MAP3K4: variants seen among roughly 807,000 people sequenced by gnomAD.
MAP3K4 encodes the protein MAP three kinase 1.
MAP3K4 carries 67 observed loss-of-function variants against 185.6 expected under a neutral mutation model. The ratio of observed to expected loss-of-function variants is 0.36; its 90% CI spans 0.30 to 0.44. MAP3K4 has a LOEUF of 0.44. Among genes scored for constraint, MAP3K4 ranks in the 20% least tolerant of loss-of-function variants. The pLI is 1.00. For missense variants in MAP3K4, 1,551 were observed against 1,995.1 expected, an observed-to-expected ratio of 0.78 and a Z score of 4.24; for synonymous variants, 702 against 710.4, an observed-to-expected ratio of 0.99 and a Z score of 0.19.
chr6:161,065,011 G>A (rs75146528), intron 3 of MAP3K4, among the ~76,000 whole-genome samples: 1,838 of 152,270 alleles, frequency 0.012, 28 homozygotes, highest in Middle Eastern at 0.051. Flanking sequence ...TGTTACAGAG[G>A]TAGTCACAGT....
chr6:161,103,426 G>A lies in MAP3K4; in HGVS notation c.3856+647G>A, dbSNP rs1179888802. Among the ~76,000 whole-genome samples the A allele has an allele frequency of 6.6e-6, 1 of 152,180 alleles. No homozygotes were observed. Among genetic ancestry groups the A allele is most frequent in the African/African-American group, 2.4e-5 (1 of 41,448 alleles). ...TATTTGTCTTCCAAGGCCTAGAGAT[G>A]TCTGGAAGGATTTTGTGGAGGGAGG... On this transcript the variant is annotated intron_variant, in intron 19 of 26. Coordinates refer to ENST00000392142, the MANE Select transcript of MAP3K4 (RefSeq NM_005922.4). The surrounding 1 kb of genome is among the most constrained non-coding windows in gnomAD (Gnocchi z 4.6).
At chr6:161,078,079 A>G (rs985366266) in intron 5 of MAP3K4, among the ~76,000 whole-genome samples, 2 of 152,218 alleles carry the variant, frequency 1.3e-5, no homozygotes, top group East Asian at 3.9e-4. Flanking sequence ...AATGACTTCT[A>G]TTTTTGTGTG....
chr6:161,089,491 A>G lies in MAP3K4; in HGVS notation c.2973+20A>G, dbSNP rs975840205. ...CTGAAGGTATTACACTGTCCTCTAC[A>G]TTAGCTGAGATTTTTCCTTTTTGAT... On this transcript the variant is annotated intron_variant, in intron 11 of 26. Transcript: ENST00000392142. The G allele has an allele frequency of 6.2e-6, 10 of 1,609,172 alleles. No individual in the cohort carries two copies. The highest frequency in any genetic ancestry group is 2.2e-5 in the East Asian group (1 of 44,824).
rs1305309066 is a variant in MAP3K4 at position 161,077,197 on chromosome 6, G to T, written c.2097+3585G>T. ...TCAGTTCATGATCATTGTTGCCTCT[G>T]GGGAGGGAGGAAAGAGATAGAAGTG... On this transcript the variant is annotated intron_variant, in intron 5 of 26. Transcript: ENST00000392142. The surrounding 1 kb of genome is among the most constrained non-coding windows in gnomAD (Gnocchi z 4.3). Among the ~76,000 whole-genome samples the T allele has an allele frequency of 2.0e-5, 3 of 152,110 alleles. No homozygotes were observed. The highest frequency in any genetic ancestry group is 2.9e-5 in the Non-Finnish European group (2 of 68,036).
chr6:161,069,470 A>G (rs930139634), intron 3 of MAP3K4, among the ~76,000 whole-genome samples: 1 of 152,028 alleles, frequency 6.6e-6, no homozygotes, highest in Non-Finnish European at 1.5e-5. Context: ...GTTGGTTGAG[A>G]GTGTCACGTG....
chr6:161,070,268 G>A lies in MAP3K4; in HGVS notation c.1708-340G>A, dbSNP rs1006342842. 1.3e-5 allele frequency among the ~76,000 whole-genome samples: 2 copies of A among 152,074 alleles called. No homozygotes were observed. The highest frequency in any genetic ancestry group is 2.4e-5 in the African/African-American group (1 of 41,404). ...TCTAGAGATAGTTGTCGATAGTACTGTATATAACCTGAAAAATAAAGTGTT... is the reference window on the plus strand; with the variant it reads ...TCTAGAGATAGTTGTCGATAGTACTATATATAACCTGAAAAATAAAGTGTT... On this transcript the variant is annotated intron_variant, in intron 3 of 26. Transcript: ENST00000392142. The surrounding 1 kb of genome is among the most constrained non-coding windows in gnomAD (Gnocchi z 4.5).
At position 161,087,539 on chromosome 6, in the gene MAP3K4, C is replaced by T. The variant is rs867841393; in HGVS notation, c.2557-149C>T. On this transcript the variant is annotated intron_variant, in intron 9 of 26. Transcript: ENST00000392142. The surrounding 1 kb of genome is among the most constrained non-coding windows in gnomAD (Gnocchi z 4.9). ...CTGCCTCCTTCAGTCACACTGAAGC[C>T]GGCTACCTGCAGTTCCCTCACTGCT... The T allele has an allele frequency of 6.7e-6, 5 of 747,174 alleles. No individual in the cohort carries two copies. The highest frequency in any genetic ancestry group is 5.3e-5 in the East Asian group (2 of 37,420). 46.3% of individuals were successfully genotyped at this position (747,174 alleles called of 1,614,324 possible).
At position 161,053,783 on chromosome 6, in the gene MAP3K4, G is replaced by A. The variant is rs752962518; in HGVS notation, c.1707+3804G>A. On this transcript the variant is annotated intron_variant, in intron 3 of 26. Coordinates refer to ENST00000392142, the MANE Select transcript of MAP3K4 (RefSeq NM_005922.4). This position sits in a 1 kb window ranked among gnomAD's most constrained non-coding sequence, Gnocchi z 4.2. ...ATTTTTTGTGTTTTTAATAGAGACG[G>A]GGGTTTCACCATGTTGGCCAGGCTA... is the stretch of plus-strand genomic sequence containing the variant. Among the ~76,000 whole-genome samples the A allele has an allele frequency of 2.0e-5, 3 of 151,868 alleles. No homozygotes were observed. Among genetic ancestry groups the A allele is most frequent in the Non-Finnish European group, 4.4e-5 (3 of 67,976 alleles).
intron 2 of MAP3K4, among the ~76,000 whole-genome samples, chr6:161,038,676 T>C (rs1168468311): frequency 6.6e-6 from 1 of 152,214 alleles, no homozygotes; most frequent in Admixed American, 6.5e-5. Flanking sequence ...GATTCTGTGG[T>C]TCAGGTGTGT....
At position 161,064,107 on chromosome 6, in the gene MAP3K4, T is replaced by G. The variant is rs2114798698; in HGVS notation, c.1708-6501T>G. On this transcript the variant is annotated intron_variant, in intron 3 of 26. Coordinates refer to ENST00000392142, the MANE Select transcript of MAP3K4 (RefSeq NM_005922.4). This position sits in a 1 kb window ranked among gnomAD's most constrained non-coding sequence, Gnocchi z 4.3. Reference sequence around the variant, plus strand: ...GCCACCACTTTTTCCCAGAATTCTTTTTTTCAGTTTGACCTGTACTAAATT... The same window carrying G: ...GCCACCACTTTTTCCCAGAATTCTTGTTTTCAGTTTGACCTGTACTAAATT... Among the ~76,000 whole-genome samples, 1 of 152,328 alleles carries G rather than the reference T, an allele frequency of 6.6e-6. No homozygotes were observed. Among genetic ancestry groups the G allele is most frequent in the Non-Finnish European group, 1.5e-5 (1 of 68,028 alleles).
At chr6:161,031,445 A>C (rs2115156926) in intron 1 of MAP3K4, among the ~76,000 whole-genome samples, 1 of 152,356 alleles carries the variant, frequency 6.6e-6, no homozygotes, top group East Asian at 1.9e-4. Context: ...TATCTGCTAA[A>C]GCACAGGACT....
At chr6:160,997,611 G>A (rs1468872933) in intron 1 of MAP3K4, among the ~76,000 whole-genome samples, 3 of 152,168 alleles carry the variant, frequency 2.0e-5, no homozygotes, top group Non-Finnish European at 2.9e-5. Context: ...AACAGACTAT[G>A]AAACAGAATT....
chr6:161,079,663 G>A (rs1785352661), intron 5 of MAP3K4, among the ~76,000 whole-genome samples: 1 of 152,182 alleles, frequency 6.6e-6, no homozygotes, highest in Non-Finnish European at 1.5e-5. Context: ...AAAACACGGA[G>A]ATGGGGGAGC....
chr6:161,041,613 G>T (rs1783455806), intron 2 of MAP3K4, among the ~76,000 whole-genome samples: 2 of 152,204 alleles, frequency 1.3e-5, no homozygotes, highest in East Asian at 3.9e-4. Context: ...TGACTTTCAG[G>T]AGCACAGGAA....
In MAP3K4 at chr6:161,084,035, A is replaced by C. The variant is rs62435489; in HGVS notation, c.2256-466A>C. 0.032 allele frequency among the ~76,000 whole-genome samples: 4,892 copies of C among 152,338 alleles called. 121 individuals are homozygous for C. Among genetic ancestry groups the C allele is most frequent in the Non-Finnish European group, 0.045 (3,073 of 68,032 alleles). ...ATACTGGGGTGTACATTTTAACACT[A>C]GTATTTAGAATTGTGTACTCAATGA... On this transcript the variant is annotated intron_variant, in intron 6 of 26. Transcript: ENST00000392142. This position sits in a 1 kb window ranked among gnomAD's most constrained non-coding sequence, Gnocchi z 4.6.
Position 161,109,700 on chromosome 6 carries a change from A to G in MAP3K4, c.4237-55A>G. 6.3e-7 allele frequency: 1 copy of G among 1,590,948 alleles called. No homozygotes were observed. On this transcript the variant is annotated intron_variant, in intron 22 of 26. Coordinates refer to ENST00000392142, the MANE Select transcript of MAP3K4 (RefSeq NM_005922.4). This position sits in a 1 kb window ranked among gnomAD's most constrained non-coding sequence, Gnocchi z 5.7. ...TAGGAAGTTTTCCAGATTTTTCACT[A>G]GCGTACATCTAAGGAAAACCGTAAA...
Position 161,070,699 on chromosome 6 carries a change from C to T in MAP3K4, c.1799C>T (p.Ser600Leu), listed in dbSNP as rs1784900569. Residue 600 changes from serine (S) to leucine (L), a missense_variant, in exon 4 of 27, where the codon TCG (serine) becomes TTG (leucine). Physicochemically the swap from Ser to Leu is moderately radical, Grantham distance 145. Transcript: ENST00000392142. The surrounding 1 kb of genome is among the most constrained non-coding windows in gnomAD (Gnocchi z 4.5). Reference protein sequence around the residue: ...PSSEEKCSAVSWEELKAMDLP... With the variant: ...PSSEEKCSAVLWEELKAMDLP... Reference sequence around the variant, plus strand: ...TCTGAGGAGAAATGCAGTGCTGTGTCGTGGGAGGAGCTGAAGGCCATGGAT... The same window carrying T: ...TCTGAGGAGAAATGCAGTGCTGTGTTGTGGGAGGAGCTGAAGGCCATGGAT... 1.2e-6 allele frequency: 2 copies of T among 1,614,028 alleles called. No homozygotes were observed. Among genetic ancestry groups the T allele is most frequent in the East Asian group, 2.2e-5 (1 of 44,866 alleles).
chr6:161,025,248 T>C (rs1396670879), intron 1 of MAP3K4, among the ~76,000 whole-genome samples: 1 of 152,224 alleles, frequency 6.6e-6, no homozygotes, highest in Non-Finnish European at 1.5e-5. Flanking sequence ...GCAACTTCCT[T>C]GCCCTAGTCC....
At position 161,077,404 on chromosome 6, in the gene MAP3K4, G is replaced by A. The variant is rs1785229358; in HGVS notation, c.2098-3477G>A. Among the ~76,000 whole-genome samples, 1 of 152,180 alleles carries A rather than the reference G, an allele frequency of 6.6e-6. No homozygotes were observed. Among genetic ancestry groups the A allele is most frequent in the Non-Finnish European group, 1.5e-5 (1 of 68,034 alleles). ...GGTGATACTTGTAGAATACTTTTTA[G>A]AATTTTTTTAGCCTCTTTGCTTTTT... On this transcript the variant is annotated intron_variant, in intron 5 of 26. Transcript: ENST00000392142. The surrounding 1 kb of genome is among the most constrained non-coding windows in gnomAD (Gnocchi z 4.3).
Sources: allele counts gnomAD v4.1 joint callset (sites outside exome capture counted in the v4.1 genomes callset), GRCh38; gene constraint gnomAD v4.1.1; non-coding constraint Gnocchi (gnomAD v3.1); transcripts MANE v1.5; gene names NCBI Gene and HGNC (gene_info 2026-07-23, HGNC 2026-07-21).